LARP1B: variants seen among roughly 807,000 people sequenced by gnomAD.
LARP1B encodes the protein La ribonucleoprotein 1B, also known as la-related protein 1B.
Under a neutral mutation model 114.2 loss-of-function variants are expected in LARP1B, and 76 were observed. The observed-to-expected ratio is 0.67, with a 90% confidence interval of 0.55 to 0.81. The LOEUF is 0.81. LARP1B is among the 30% of genes least tolerant of loss of function. LARP1B has a pLI of 0.00. For missense variants in LARP1B, 1,014 were observed against 1,075.8 expected (o/e 0.94, Z 0.80); for synonymous variants, 345 against 348.0 (o/e 0.99, Z 0.10).
intron 15 of LARP1B, among the ~76,000 whole-genome samples, chr4:128,192,622 T>C (rs1752635916): frequency 6.6e-6 from 1 of 152,220 alleles, no homozygotes; most frequent in African/African-American, 2.4e-5. Flanking sequence ...GTACTTGAGC[T>C]ATGGTTTTTA....
chr4:128,211,440 C>A lies in LARP1B; in HGVS notation c.*1387C>A. The A allele has an allele frequency of 1.1e-6, 1 of 917,492 alleles. No individual in the cohort carries two copies. The highest frequency in any genetic ancestry group is 1.3e-6 in the Non-Finnish European group (1 of 768,312). The allele number at this position is 917,492 out of a possible 1,614,324, so 56.8% of individuals were successfully genotyped here. On this transcript the variant is annotated 3_prime_UTR_variant, in exon 20 of 20. Transcript: ENST00000326639. ...GGCTGTTAATTTGTAAATAGGTTTT[C>A]ATTAAGTTATTTCTCATGATAAGTA...
At chr4:128,206,064 A>G (rs1757501224) in intron 17 of LARP1B, among the ~76,000 whole-genome samples, 1 of 152,110 alleles carries the variant, frequency 6.6e-6, no homozygotes, top group Non-Finnish European at 1.5e-5. Flanking sequence ...GCCGAGGCAG[A>G]TGGATCCCCT....
intron 1 of LARP1B, chr4:128,061,927 G>T: frequency 1.0e-6 from 1 of 985,236 alleles, no homozygotes. Context: ...TGCCCCAGGC[G>T]GCTGTCCCCG....
In LARP1B at chr4:128,211,165, T is replaced by C. The variant is rs1272277912; in HGVS notation, c.*1112T>C. On this transcript the variant is annotated 3_prime_UTR_variant, in exon 20 of 20. Transcript: ENST00000326639. ...TGAATTGATTTTTAATTATTTTTAT[T>C]TAGAATATAGTTGAAAAGCTGTAAT... is the stretch of plus-strand genomic sequence containing the variant. 4.4e-6 allele frequency: 4 copies of C among 915,044 alleles called. No individual in the cohort carries two copies. Among genetic ancestry groups the C allele is most frequent in the Non-Finnish European group, 5.2e-6 (4 of 766,042 alleles). The allele number at this position is 915,044 out of a possible 1,614,324, so 56.7% of individuals were successfully genotyped here. A position where few individuals can be genotyped will look rare whatever the true frequency, so the allele number is the denominator to read the frequency against.
chr4:128,070,314 C>T (rs909761510), intron 1 of LARP1B, among the ~76,000 whole-genome samples: 7 of 149,622 alleles, frequency 4.7e-5, no homozygotes, highest in East Asian at 4.0e-4. Context: ...AGTGAGACTC[C>T]GTCTCAAAAA....
chr4:128,172,810 C>A (rs971662234), intron 12 of LARP1B, among the ~76,000 whole-genome samples: 4 of 152,114 alleles, frequency 2.6e-5, no homozygotes, highest in Non-Finnish European at 5.9e-5. Context: ...CCATACTTCA[C>A]TAATGCTCTG....
intron 8 of LARP1B, among the ~76,000 whole-genome samples, chr4:128,100,548 A>G (rs1420563520): frequency 6.6e-6 from 1 of 152,188 alleles, no homozygotes; most frequent in Non-Finnish European, 1.5e-5. Flanking sequence ...CTGGGATTAC[A>G]GGCGTGAGCC....
intron 5 of LARP1B, among the ~76,000 whole-genome samples, chr4:128,089,201 C>T (rs1191834161): frequency 6.6e-6 from 1 of 151,934 alleles, no homozygotes; most frequent in African/African-American, 2.4e-5. Flanking sequence ...AGAACAGGCC[C>T]CCACACCAGA....
downstream of LARP1B, among the ~76,000 whole-genome samples, chr4:128,216,969 C>G (rs200417605): frequency 6.6e-6 from 1 of 150,762 alleles, no homozygotes; most frequent in Non-Finnish European, 1.5e-5. Flanking sequence ...ATATCACCAC[C>G]GATCCCACAG....
intron 9 of LARP1B, among the ~76,000 whole-genome samples, chr4:128,114,309 C>T (rs1008881611): frequency 2.6e-5 from 4 of 152,136 alleles, no homozygotes; most frequent in African/African-American, 7.2e-5. Flanking sequence ...GGAAGTGACT[C>T]ACATTGATAT....
At position 128,074,922 on chromosome 4, in the gene LARP1B, G is replaced by A; in HGVS notation, c.-18-12G>A. The stretch of plus-strand genomic sequence containing the variant: ...GTAATTTCAGACCTAACACTTATTT[G>A]TTACTTCTTAGGCTAGTGATTTCAG... On this transcript the variant is annotated splice_polypyrimidine_tract_variant and intron_variant, in intron 2 of 19. Transcript: ENST00000326639. The A allele has an allele frequency of 6.3e-7, 1 of 1,578,790 alleles. No homozygotes were observed. The highest frequency in any genetic ancestry group is 8.7e-7 in the Non-Finnish European group (1 of 1,152,328).
In LARP1B at chr4:128,065,311, TTCTTTC is replaced by T. The variant is rs1300213576; in HGVS notation, c.-78+3914_-78+3919del. Among the ~76,000 whole-genome samples, 275 of 88,352 alleles carry T rather than the reference TTCTTTC, an allele frequency of 3.1e-3. 3 individuals are homozygous for T. The highest frequency in any genetic ancestry group is 7.6e-3 in the African/African-American group (191 of 25,288). 58.0% of individuals were successfully genotyped at this position (88,352 alleles called of 152,430 possible). On this transcript the variant is annotated intron_variant, in intron 1 of 19. Transcript: ENST00000326639. ...TTTCTTTCTTTCTTTCTTTCTTTCT[TTCTTTC>T]TCTCTCTCTCTCTCTTTCCTTTCTT...
At chr4:128,129,314 A>G (rs948143218) in intron 11 of LARP1B, among the ~76,000 whole-genome samples, 2 of 144,854 alleles carry the variant, frequency 1.4e-5, no homozygotes, top group Admixed American at 1.5e-4. Flanking sequence ...GAGGTCACAC[A>G]CTGCAGCCTG....
chr4:128,188,645 T>G lies in LARP1B; in HGVS notation c.2003+9133T>G, dbSNP rs188474058. Among the ~76,000 whole-genome samples, 107 of 152,324 alleles carry G rather than the reference T, an allele frequency of 7.0e-4. 1 individual carries two copies. In the East Asian group the frequency reaches 0.02, roughly 29 times the overall value. On this transcript the variant is annotated intron_variant, in intron 15 of 19. Transcript: ENST00000326639. The stretch of plus-strand genomic sequence containing the variant: ...GATGTAGGCATTTATTGCTATAAAA[T>G]TCTCTCTTAGTACTGCTATGCTGTA...
chr4:128,192,139 C>T (rs2150799479), intron 15 of LARP1B, among the ~76,000 whole-genome samples: 1 of 152,172 alleles, frequency 6.6e-6, no homozygotes, highest in African/African-American at 2.4e-5. Context: ...ACATCATTGT[C>T]TCAATAAAGT....
chr4:128,120,089 A>G (rs1439053360), intron 10 of LARP1B, among the ~76,000 whole-genome samples: 1 of 152,212 alleles, frequency 6.6e-6, no homozygotes, highest in South Asian at 2.1e-4. Flanking sequence ...TAGTAAAAAC[A>G]TCTTGGGTAG....
intron 17 of LARP1B, among the ~76,000 whole-genome samples, chr4:128,205,894 C>A (rs1217454571): frequency 6.6e-6 from 1 of 152,214 alleles, no homozygotes; most frequent in African/African-American, 2.4e-5. Context: ...CAAGGGCTGC[C>A]TTTCATGCAG....
At chr4:128,122,609 A>G in intron 11 of LARP1B, 1 of 1,481,630 alleles carries the variant, frequency 6.7e-7, no homozygotes, top group South Asian at 1.3e-5. Context: ...GGCTTTAGAG[A>G]GCACTCTTCT....
intron 17 of LARP1B, among the ~76,000 whole-genome samples, chr4:128,204,384 G>A (rs1167686811): frequency 6.6e-6 from 1 of 152,148 alleles, no homozygotes; most frequent in African/African-American, 2.4e-5. Context: ...GCCAGGCGTG[G>A]TGGCTCATGC....
Sources: gnomAD v4.1 joint callset for allele counts (sites outside exome capture counted in the v4.1 genomes callset) on GRCh38, gnomAD v4.1.1 for gene constraint, MANE v1.5 for transcripts, NCBI Gene and HGNC (gene_info 2026-07-23, HGNC 2026-07-21) for gene names.